The following SNTG1 variants were observed in gnomAD, a reference collection of about 807,000 sequenced individuals.
SNTG1 encodes the protein syntrophin gamma 1, also known as gamma-1-syntrophin.
SNTG1 carries 39 observed loss-of-function variants against 74.7 expected under a neutral mutation model. The observed-to-expected ratio is 0.52, with a 90% CI of 0.40 to 0.68. SNTG1 has a LOEUF of 0.68. Ranked by LOEUF, SNTG1 falls within the 30% of genes least tolerant of loss-of-function variation. The pLI, the probability that SNTG1 is intolerant of heterozygous loss-of-function variation, is 0.00. For missense variants in SNTG1, 685 were observed against 609.5 expected (o/e 1.12, Z -1.30); for synonymous variants, 254 against 217.1 (o/e 1.17, Z -1.49).
At position 50,190,900 on chromosome 8, in the gene SNTG1, C is replaced by T. The variant is rs184802262; in HGVS notation, c.-28+18265C>T. On this transcript the variant is annotated intron_variant, in intron 2 of 18. Coordinates refer to ENST00000642720, the MANE Select transcript of SNTG1 (RefSeq NM_018967.5). Reference sequence around the variant, plus strand: ...TATGAAGAAACAAGGTGGAATGACACGACAATAAGAATAAATTGGGCTTAG... The same window carrying T: ...TATGAAGAAACAAGGTGGAATGACATGACAATAAGAATAAATTGGGCTTAG... 1.7e-3 allele frequency among the ~76,000 whole-genome samples: 261 copies of T among 152,082 alleles called. 1 individual carries two copies. The highest frequency in any genetic ancestry group is 1.7e-3 in the Non-Finnish European group (116 of 68,016).
chr8:50,405,884 G>A (rs757735036), intron 4 of SNTG1, among the ~76,000 whole-genome samples: 6 of 152,002 alleles, frequency 3.9e-5, no homozygotes, highest in Non-Finnish European at 5.9e-5. Context: ...ATCATGTGCC[G>A]TATATATAAG....
At chr8:50,227,800 T>A (rs1322814062) in intron 2 of SNTG1, among the ~76,000 whole-genome samples, 3 of 151,536 alleles carry the variant, frequency 2.0e-5, no homozygotes, top group Non-Finnish European at 4.4e-5. Flanking sequence ...TGAGAAAGTA[T>A]TTATAAAGCC....
chr8:50,182,949 C>A (rs2083258694), intron 2 of SNTG1, among the ~76,000 whole-genome samples: 2 of 152,112 alleles, frequency 1.3e-5, no homozygotes, highest in Non-Finnish European at 2.9e-5. Context: ...TTATTCTCCC[C>A]TTTATCCTCA....
chr8:50,266,768 G>T (rs2087503117), intron 2 of SNTG1, among the ~76,000 whole-genome samples: 1 of 150,422 alleles, frequency 6.6e-6, no homozygotes, highest in Admixed American at 6.7e-5. Context: ...ACCAAAAAAA[G>T]CGAAAGAGAA....
At chr8:50,622,157 G>A (rs75992418) in intron 13 of SNTG1, among the ~76,000 whole-genome samples, 6,550 of 152,234 alleles carry the variant, frequency 0.043, 243 homozygotes, top group African/African-American at 0.095. Flanking sequence ...CCCATATGCT[G>A]ATCTACTCTT....
intron 2 of SNTG1, among the ~76,000 whole-genome samples, chr8:50,289,091 A>C (rs973578797): frequency 2.2e-4 from 34 of 152,188 alleles, no homozygotes; most frequent in African/African-American, 8.0e-4. Context: ...AGAGGAGCAA[A>C]ATGGTAATGT....
chr8:50,279,875 A>G (rs555090969), intron 2 of SNTG1, among the ~76,000 whole-genome samples: 2 of 152,180 alleles, frequency 1.3e-5, no homozygotes, highest in Admixed American at 6.5e-5. Flanking sequence ...GTGGACTTCA[A>G]TCAATGCCTT....
rs2092816001 is a variant in SNTG1 at position 50,402,261 on chromosome 8, G to C, written c.79G>C (p.Val27Leu). ...GGATGGTAACCAGGAGCCTTTCAAA[G>C]TGCGGCTGCACCTAGCCAAAGACAT... ...LQDGNQEPFK[V>L]RLHLAKDILM... The change falls in exon 4 of 19, where the codon GTG becomes CTG. Residue 27 changes from valine (V) to leucine (L), a missense_variant. Transcript: ENST00000642720. 6.2e-7 allele frequency: 1 copy of C among 1,613,384 alleles called. No individual in the cohort carries two copies. Among genetic ancestry groups the C allele is most frequent in the Non-Finnish European group, 8.5e-7 (1 of 1,179,850 alleles).
At chr8:50,220,737 T>C (rs1045393393) in intron 2 of SNTG1, among the ~76,000 whole-genome samples, 5 of 152,162 alleles carry the variant, frequency 3.3e-5, no homozygotes, top group African/African-American at 1.2e-4. Flanking sequence ...TGGCACTTGT[T>C]TCTAGTTTTC....
chr8:50,519,328 C>T (rs889414346), intron 9 of SNTG1, among the ~76,000 whole-genome samples: 2 of 152,102 alleles, frequency 1.3e-5, no homozygotes, highest in African/African-American at 4.8e-5. Flanking sequence ...CTATTTATGA[C>T]AAACCCACAG....
At position 50,090,589 on chromosome 8, in the gene SNTG1, C is replaced by T. The variant is rs149478918; in HGVS notation, c.-102-81972C>T. Among the ~76,000 whole-genome samples, 537 of 152,172 alleles carry T rather than the reference C, an allele frequency of 3.5e-3. 6 individuals carry two copies. The highest frequency in any genetic ancestry group is 0.012 in the African/African-American group (518 of 41,514). Reference sequence around the variant, plus strand: ...TAACTCTTTAAGTTATTAGCTTGGCCGGGTGAAGACAATGAGCTAATTGGG... The same window carrying T: ...TAACTCTTTAAGTTATTAGCTTGGCTGGGTGAAGACAATGAGCTAATTGGG... On this transcript the variant is annotated intron_variant, in intron 1 of 18. Transcript: ENST00000642720.
chr8:50,256,451 T>G (rs2086887582), intron 2 of SNTG1, among the ~76,000 whole-genome samples: 1 of 151,888 alleles, frequency 6.6e-6, no homozygotes, highest in Admixed American at 6.6e-5. Context: ...ATAACACCAT[T>G]TATTAATGTA....
intron 18 of SNTG1, among the ~76,000 whole-genome samples, chr8:50,780,278 G>A (rs2095655001): frequency 1.3e-5 from 2 of 152,146 alleles, no homozygotes; most frequent in South Asian, 4.1e-4. Context: ...AGAAGGAATG[G>A]TACCAGTTCC....
At position 50,509,871 on chromosome 8, in the gene SNTG1, A is replaced by G. The variant is rs558723529; in HGVS notation, c.466+6991A>G. 1.2e-3 allele frequency among the ~76,000 whole-genome samples: 189 copies of G among 152,194 alleles called. 1 individual carries two copies. Among genetic ancestry groups the G allele is most frequent in the African/African-American group, 4.4e-3 (183 of 41,484 alleles). ...ATCATGTCATCTGCAAGCAGGGACAATTTGACTTCCTCTTTTCCTAATTGA... is the reference window on the plus strand; with the variant it reads ...ATCATGTCATCTGCAAGCAGGGACAGTTTGACTTCCTCTTTTCCTAATTGA... On this transcript the variant is annotated intron_variant, in intron 9 of 18. Coordinates refer to ENST00000642720, the MANE Select transcript of SNTG1 (RefSeq NM_018967.5).
intron 15 of SNTG1, among the ~76,000 whole-genome samples, chr8:50,683,475 C>T (rs893995187): frequency 1.3e-5 from 2 of 151,992 alleles, no homozygotes; most frequent in Non-Finnish European, 2.9e-5. Context: ...AACAGTTTGG[C>T]CAAAAACTTC....
At chr8:50,763,642 C>G (rs1438245398) in intron 18 of SNTG1, among the ~76,000 whole-genome samples, 5 of 102,208 alleles carry the variant, frequency 4.9e-5, no homozygotes, top group Non-Finnish European at 8.1e-5. Context: ...CTCAAGATTG[C>G]CTTTATTGTG....
intron 1 of SNTG1, among the ~76,000 whole-genome samples, chr8:49,967,995 T>C (rs1001645162): frequency 6.6e-6 from 1 of 152,206 alleles, no homozygotes; most frequent in Non-Finnish European, 1.5e-5. Flanking sequence ...TATCCTTCAG[T>C]GTCTTGCAGT....
chr8:50,209,330 C>T (rs1036173930), intron 2 of SNTG1, among the ~76,000 whole-genome samples: 7 of 152,214 alleles, frequency 4.6e-5, no homozygotes, highest in African/African-American at 1.7e-4. Flanking sequence ...ACAGAAACTT[C>T]TGCAGATGAA....
chr8:49,932,498 A>G (rs1055105102), intron 1 of SNTG1, among the ~76,000 whole-genome samples: 2 of 152,044 alleles, frequency 1.3e-5, no homozygotes, highest in Non-Finnish European at 2.9e-5. Flanking sequence ...CCAGTGTCGT[A>G]TTATTACACA....
Sources: allele counts gnomAD v4.1 joint callset (sites outside exome capture counted in the v4.1 genomes callset), GRCh38; gene constraint gnomAD v4.1.1; transcripts MANE v1.5; gene names NCBI Gene and HGNC (gene_info 2026-07-23, HGNC 2026-07-21).